RBFOX3: variants seen among roughly 807,000 people sequenced by gnomAD.
RBFOX3 encodes RNA binding protein fox-1 homolog 3.
A neutral mutation model predicts 48.7 loss-of-function variants in RBFOX3; 17 were observed. The observed-to-expected ratio is 0.35, with a 90% CI of 0.24 to 0.52. RBFOX3 has a LOEUF of 0.52. Ranked by LOEUF, RBFOX3 falls within the 20% of genes least tolerant of loss-of-function variation. RBFOX3 has a pLI of 0.94. For synonymous variants in RBFOX3, 212 were observed against 209.5 expected, an observed-to-expected ratio of 1.01 and a Z score of -0.10; for missense variants, 382 against 497.5, an observed-to-expected ratio of 0.77 and a Z score of 2.21.
chr17:79,273,623 G>T (rs57294616), intron 3 of RBFOX3, among the ~76,000 whole-genome samples: 1 of 152,020 alleles, frequency 6.6e-6, no homozygotes, highest in Non-Finnish European at 1.5e-5. Context: ...GGGGCAGCGT[G>T]AGGCTGGCCC....
At chr17:79,485,979 C>T (rs1322305076) in intron 1 of RBFOX3, among the ~76,000 whole-genome samples, 4 of 152,266 alleles carry the variant, frequency 2.6e-5, no homozygotes, top group Admixed American at 2.0e-4. Flanking sequence ...TCATCCATAG[C>T]GCAGAACACG....
intron 4 of RBFOX3, among the ~76,000 whole-genome samples, chr17:79,221,300 A>G (rs1043001414): frequency 6.6e-6 from 1 of 152,248 alleles, no homozygotes; most frequent in South Asian, 2.1e-4. Flanking sequence ...CTCTTTGAAT[A>G]GACAAAAGAG....
At chr17:79,272,196 G>A (rs950429546) in intron 3 of RBFOX3, among the ~76,000 whole-genome samples, 1 of 152,208 alleles carries the variant, frequency 6.6e-6, no homozygotes, top group Non-Finnish European at 1.5e-5. Flanking sequence ...ACAGGCAGCA[G>A]CCGCCGTTGC....
intron 2 of RBFOX3, among the ~76,000 whole-genome samples, chr17:79,442,982 C>G (rs191636723): frequency 2.0e-5 from 3 of 152,344 alleles, no homozygotes; most frequent in East Asian, 3.9e-4. Flanking sequence ...AAGCAGCGCC[C>G]AGCAGCTCGG....
chr17:79,142,793 C>T (rs1462868628), intron 4 of RBFOX3, among the ~76,000 whole-genome samples: 1 of 152,038 alleles, frequency 6.6e-6, no homozygotes, highest in Admixed American at 6.5e-5. Flanking sequence ...GGGGCAGGGA[C>T]ACAGCCCCCA....
intron 1 of RBFOX3, among the ~76,000 whole-genome samples, chr17:79,517,794 G>C (rs932257894): frequency 5.3e-5 from 8 of 152,252 alleles, no homozygotes; most frequent in South Asian, 2.1e-4. Context: ...GGAAATTTCC[G>C]CTTCTGAGAC....
At chr17:79,492,384 T>A (rs1433791834) in intron 1 of RBFOX3, among the ~76,000 whole-genome samples, 1 of 152,198 alleles carries the variant, frequency 6.6e-6, no homozygotes, top group African/African-American at 2.4e-5. Context: ...TCATCAATTC[T>A]AAGATTAGGT....
intron 2 of RBFOX3, among the ~76,000 whole-genome samples, chr17:79,406,290 T>C (rs1377218502): frequency 6.6e-6 from 1 of 152,208 alleles, no homozygotes; most frequent in East Asian, 1.9e-4. Flanking sequence ...ACCCTAGGGA[T>C]GGGGTCGGCT....
intron 5 of RBFOX3, among the ~76,000 whole-genome samples, chr17:79,113,115 G>T (rs1022135642): frequency 3.9e-5 from 6 of 152,144 alleles, no homozygotes; most frequent in Non-Finnish European, 7.4e-5. Context: ...GGGCCAAGGG[G>T]AGGCTCGAGT....
chr17:79,580,848 C>G (rs987622588), intron 1 of RBFOX3, among the ~76,000 whole-genome samples: 3 of 152,168 alleles, frequency 2.0e-5, no homozygotes, highest in Non-Finnish European at 4.4e-5. Context: ...AAGAAAGGCA[C>G]AGAGGTACAT....
chr17:79,283,561 A>G (rs1044640908), intron 3 of RBFOX3, among the ~76,000 whole-genome samples: 2 of 152,156 alleles, frequency 1.3e-5, no homozygotes, highest in African/African-American at 4.8e-5. Flanking sequence ...GAGCTATCGC[A>G]TGTGAATTCG....
At chr17:79,442,248 A>G (rs1555735313) in intron 2 of RBFOX3, among the ~76,000 whole-genome samples, 17 of 7,480 alleles carry the variant, frequency 2.3e-3, no homozygotes, top group Non-Finnish European at 3.7e-3. Flanking sequence ...AGAGAGAGAG[A>G]GAGAGAGAGA....
rs533511094 is a variant in RBFOX3, at chr17:79,209,611, C to T, written c.-34+26155G>A. The stretch of plus-strand genomic sequence containing the variant: ...CCAGTGTCCAGCATAGGTGTCTGCA[C>T]ATAGTACCTGTCCCATAAAAATAAG... On this transcript the variant is annotated intron_variant, in intron 4 of 14. Coordinates refer to ENST00000693108, the MANE Select transcript of RBFOX3 (RefSeq NM_001350451.2). Among the ~76,000 whole-genome samples the T allele has an allele frequency of 4.6e-5, 7 of 152,320 alleles. No individual in the cohort carries two copies. The South Asian group carries it at 1.5e-3, about 32-fold the overall frequency.
chr17:79,249,848 A>G lies in RBFOX3; in HGVS notation c.-73-14043T>C, dbSNP rs1016024201. ...CTAGATAGGCTTCTTCTGCCATGCC[A>G]GTCATTTCTGTATCTGTGTGTCTTT... On this transcript the variant is annotated intron_variant, in intron 3 of 14. Coordinates refer to ENST00000693108, the MANE Select transcript of RBFOX3 (RefSeq NM_001350451.2). The surrounding 1 kb of genome is among the most constrained non-coding windows in gnomAD (Gnocchi z 4.1). 1.3e-5 allele frequency among the ~76,000 whole-genome samples: 2 copies of G among 152,068 alleles called. No homozygotes were observed. The highest frequency in any genetic ancestry group is 4.8e-5 in the African/African-American group (2 of 41,400).
intron 3 of RBFOX3, among the ~76,000 whole-genome samples, chr17:79,281,458 T>C (rs1281014370): frequency 1.3e-5 from 2 of 151,716 alleles, no homozygotes; most frequent in Non-Finnish European, 2.9e-5. Flanking sequence ...TAGAGAGGAC[T>C]ATCCAGACGC....
chr17:79,256,836 C>A lies in RBFOX3; in HGVS notation c.-73-21031G>T, dbSNP rs530191015. ...TCGTGGGGGGCTGAGGCAGGAGAAT[C>A]GCTTGAACCTGGGAGGTGGAGGTTG... On this transcript the variant is annotated intron_variant, in intron 3 of 14. Coordinates refer to ENST00000693108, the MANE Select transcript of RBFOX3 (RefSeq NM_001350451.2). Among the ~76,000 whole-genome samples the A allele has an allele frequency of 5.6e-4, 85 of 152,074 alleles. 1 individual carries two copies. The highest frequency in any genetic ancestry group is 2.0e-3 in the African/African-American group (82 of 41,512).
intron 1 of RBFOX3, among the ~76,000 whole-genome samples, chr17:79,582,976 C>T (rs1009721732): frequency 3.3e-5 from 5 of 152,104 alleles, no homozygotes; most frequent in African/African-American, 4.8e-5. Context: ...TGCCCACTTC[C>T]GCCAGGGCTT....
chr17:79,292,533 C>T (rs376331454), intron 3 of RBFOX3, among the ~76,000 whole-genome samples: 2 of 152,010 alleles, frequency 1.3e-5, no homozygotes, highest in African/African-American at 2.4e-5. Flanking sequence ...TATAATGGAA[C>T]ATGTTTACAC....
intron 2 of RBFOX3, among the ~76,000 whole-genome samples, chr17:79,397,713 C>T (rs1030658349): frequency 6.6e-6 from 1 of 151,992 alleles, no homozygotes; most frequent in Non-Finnish European, 1.5e-5. Flanking sequence ...AAACCAGCTG[C>T]ATCACAGGAG....
Sources: gnomAD v4.1 joint callset for allele counts (sites outside exome capture counted in the v4.1 genomes callset) on GRCh38, gnomAD v4.1.1 for gene constraint, Gnocchi (gnomAD v3.1) non-coding constraint, MANE v1.5 for transcripts, NCBI Gene and HGNC (gene_info 2026-07-23, HGNC 2026-07-21) for gene names.